Variants in RPIA observed in about 807,000 individuals in gnomAD.
RPIA encodes the protein ribose 5-phosphate isomerase A.
Under a neutral mutation model 37.8 loss-of-function variants are expected in RPIA, and 29 were observed. The ratio of observed to expected loss-of-function variants is 0.77; its 90% CI spans 0.57 to 1.05. RPIA has a LOEUF of 1.05. Among genes scored for constraint, RPIA ranks in the 50% least tolerant of loss-of-function variants. The probability of loss-of-function intolerance (pLI) is 0.00; values close to 1 mark genes in which losing one functional copy is unlikely to be tolerated. For synonymous variants in RPIA, 167 were observed against 157.0 expected (o/e 1.06, Z -0.48); for missense variants, 385 against 413.6 (o/e 0.93, Z 0.60).
At chr2:88,708,488 G>A (rs10182405) in intron 3 of RPIA, among the ~76,000 whole-genome samples, 5,807 of 152,196 alleles carry the variant, frequency 0.038, 384 homozygotes, top group African/African-American at 0.13. Context: ...TAAGATCTTC[G>A]TCTCCAAGGA....
intron 8 of RPIA, among the ~76,000 whole-genome samples, chr2:88,747,568 C>T (rs528562190): frequency 2.0e-5 from 3 of 152,118 alleles, no homozygotes; most frequent in South Asian, 2.1e-4. Context: ...CTTTTTTTCC[C>T]GAAGGACCCC....
intron 3 of RPIA, among the ~76,000 whole-genome samples, chr2:88,713,136 T>C (rs1672984416): frequency 1.6e-5 from 2 of 128,782 alleles, no homozygotes; most frequent in Non-Finnish European, 3.2e-5. Flanking sequence ...TTTTTTTTTT[T>C]CAAGCTACGA....
chr2:88,736,451 A>G (rs1673316614), intron 6 of RPIA, 84 bp from the exon 7 acceptor site: 40 of 1,488,752 alleles, frequency 2.7e-5, no homozygotes, highest in Non-Finnish European at 3.6e-5. Context: ...CCACCATCTC[A>G]TTAACCCTGT....
chr2:88,748,457 G>C (rs1673464009), intron 8 of RPIA, among the ~76,000 whole-genome samples: 1 of 152,194 alleles, frequency 6.6e-6, no homozygotes, highest in Admixed American at 6.5e-5. Flanking sequence ...GATGGTTTCA[G>C]ATTGCCGTCT....
chr2:88,720,011 A>C (rs1444306731), intron 3 of RPIA, among the ~76,000 whole-genome samples: 3 of 152,094 alleles, frequency 2.0e-5, no homozygotes, highest in Non-Finnish European at 4.4e-5. Context: ...GGCGTTGAGG[A>C]GTTGAATAGC....
chr2:88,737,935 C>T (rs1558699613), intron 7 of RPIA, 42 bp from the exon 8 acceptor site: 1 of 1,448,962 alleles, frequency 6.9e-7, no homozygotes, highest in Non-Finnish European at 9.7e-7. Context: ...CTCTGCCTAC[C>T]TGTATCTGCA....
rs1673235702 is a variant in RPIA at position 88,729,270 on chromosome 2, C to A, written c.403-8C>A. ...ATGATCGTGGTTGCTCTTCCCTGTC[C>A]TCCGCAGGCCCGCCAGCTCATCCTG... On this transcript the variant is annotated splice_polypyrimidine_tract_variant and splice_region_variant and intron_variant, in intron 3 of 8. Transcript: ENST00000283646. 1 of 1,614,092 alleles carries A rather than the reference C, an allele frequency of 6.2e-7. No homozygotes were observed. The highest frequency in any genetic ancestry group is 8.5e-7 in the Non-Finnish European group (1 of 1,179,946).
rs560898497 is a variant in RPIA, at chr2:88,726,963, T to C, written c.403-2315T>C. Among the ~76,000 whole-genome samples, 21 of 152,324 alleles carry C rather than the reference T, an allele frequency of 1.4e-4. No individual in the cohort carries two copies. In the East Asian group the frequency reaches 3.9e-3, roughly 28 times the overall value. On this transcript the variant is annotated intron_variant, in intron 3 of 8. Coordinates refer to ENST00000283646, the MANE Select transcript of RPIA (RefSeq NM_144563.3). ...CATGTTGGTCAGACTGGTCTTGAAC[T>C]CCTGGCCTCAAGTGATCCACCCACC...
chr2:88,716,361 TGG>T (rs1352914913), intron 3 of RPIA, among the ~76,000 whole-genome samples: 1 of 152,192 alleles, frequency 6.6e-6, no homozygotes, highest in Non-Finnish European at 1.5e-5. Context: ...CCAACCACCT[TGG>T]GACACATATC....
intron 8 of RPIA, among the ~76,000 whole-genome samples, chr2:88,742,655 C>T (rs964122630): frequency 4.6e-5 from 7 of 152,110 alleles, no homozygotes; most frequent in African/African-American, 1.7e-4. Context: ...GTCATTTTCA[C>T]AATACTGATT....
intron 3 of RPIA, among the ~76,000 whole-genome samples, chr2:88,725,674 A>G (rs1450161215): frequency 6.6e-6 from 1 of 152,168 alleles, no homozygotes; most frequent in Non-Finnish European, 1.5e-5. Context: ...CTCTAAAGAC[A>G]CTGTCTCCAT....
chr2:88,711,107 A>C (rs1672955415), intron 3 of RPIA, among the ~76,000 whole-genome samples: 1 of 152,246 alleles, frequency 6.6e-6, no homozygotes. Context: ...ATTCTTTGTC[A>C]CTTAAAAATA....
intron 1 of RPIA, among the ~76,000 whole-genome samples, chr2:88,697,538 C>T (rs1422897792): frequency 6.6e-6 from 1 of 152,146 alleles, no homozygotes; most frequent in Non-Finnish European, 1.5e-5. Context: ...TGAGCTTTTA[C>T]TCTTTGGTCT....
intron 1 of RPIA, among the ~76,000 whole-genome samples, chr2:88,693,734 A>G (rs886773566): frequency 7.9e-5 from 12 of 152,212 alleles, no homozygotes; most frequent in Admixed American, 7.2e-4. Context: ...TTCTTTGTGT[A>G]GAATCTCTGG....
intron 1 of RPIA, 86 bp downstream of exon 1, chr2:88,692,069 G>T: frequency 6.7e-7 from 1 of 1,482,086 alleles, no homozygotes; most frequent in South Asian, 1.3e-5. Flanking sequence ...GCCGGGGCGC[G>T]CCTAGCTCCT....
In RPIA at chr2:88,714,089, A is replaced by C. The variant is rs370648450; in HGVS notation, c.402+14025A>C. ...TGACAAGCACAGTCATGTAACAACCAACACAATGAAAATATTGTTGGATTG... is the reference window on the plus strand; with the variant it reads ...TGACAAGCACAGTCATGTAACAACCCACACAATGAAAATATTGTTGGATTG... On this transcript the variant is annotated intron_variant, in intron 3 of 8. Transcript: ENST00000283646. 7.0e-4 allele frequency among the ~76,000 whole-genome samples: 107 copies of C among 152,276 alleles called. 1 individual carries two copies. Among genetic ancestry groups the C allele is most frequent in the African/African-American group, 2.4e-3 (101 of 41,562 alleles).
At chr2:88,729,246 T>C in intron 3 of RPIA, 32 bp from the exon 4 acceptor site, 1 of 1,610,234 alleles carries the variant, frequency 6.2e-7, no homozygotes, top group Non-Finnish European at 8.5e-7. Context: ...CTCAAGTAAA[T>C]GATCGTGGTT....
intron 6 of RPIA, 104 bp from the exon 7 acceptor site, chr2:88,736,431 C>G (rs1380532268): frequency 1.8e-5 from 22 of 1,246,820 alleles, no homozygotes; most frequent in Non-Finnish European, 2.4e-5. Flanking sequence ...TGATCACTTT[C>G]CTTGCCTTCC....
intron 3 of RPIA, among the ~76,000 whole-genome samples, chr2:88,717,296 C>T (rs919059600): frequency 2.0e-5 from 3 of 152,160 alleles, no homozygotes; most frequent in African/African-American, 7.2e-5. Context: ...GCCTGTGACA[C>T]ACCTCAGGAG....
Sources: gnomAD v4.1 joint callset for allele counts (sites outside exome capture counted in the v4.1 genomes callset) on GRCh38, gnomAD v4.1.1 for gene constraint, MANE v1.5 for transcripts, NCBI Gene and HGNC (gene_info 2026-07-23, HGNC 2026-07-21) for gene names.